The following POLK variants were observed in gnomAD, a reference collection of about 807,000 sequenced individuals.
The protein encoded by POLK is polymerase (DNA directed) kappa.
In POLK, 76 loss-of-function variants were observed where a neutral mutation model predicts 94.0. That is an observed-to-expected ratio of 0.81 (90% CI 0.67 to 0.98). The LOEUF is 0.98. Ranked by LOEUF, POLK falls within the 50% of genes least tolerant of loss-of-function variation. The pLI is 0.00. For synonymous variants in POLK, 349 were observed against 325.4 expected, an observed-to-expected ratio of 1.07 and a Z score of -0.78; for missense variants, 954 against 1,010.1, an observed-to-expected ratio of 0.94 and a Z score of 0.75.
chr5:75,602,627 T>C (rs1773319356), downstream of POLK, among the ~76,000 whole-genome samples: 1 of 152,180 alleles, frequency 6.6e-6, no homozygotes, highest in South Asian at 2.1e-4. Context: ...GCAGAGACAC[T>C]TCAAATTCGT....
intron 1 of POLK, among the ~76,000 whole-genome samples, chr5:75,513,565 C>T (rs1481540102): frequency 6.6e-6 from 1 of 152,110 alleles, no homozygotes; most frequent in Non-Finnish European, 1.5e-5. Context: ...CCCTTTTTAT[C>T]CTGTTTCCTA....
chr5:75,603,686 G>A (rs1309154631), downstream of POLK, among the ~76,000 whole-genome samples: 1 of 152,136 alleles, frequency 6.6e-6, no homozygotes, highest in African/African-American at 2.4e-5. Flanking sequence ...TTGGCATTCA[G>A]GGTTTCCTGA....
At chr5:75,536,480 C>T (rs1769449886) in intron 1 of POLK, among the ~76,000 whole-genome samples, 1 of 152,108 alleles carries the variant, frequency 6.6e-6, no homozygotes, top group Non-Finnish European at 1.5e-5. Context: ...GAATTGCCTG[C>T]TCTGCCATCT....
At chr5:75,517,965 C>G (rs1272742524) in intron 1 of POLK, among the ~76,000 whole-genome samples, 1 of 152,136 alleles carries the variant, frequency 6.6e-6, no homozygotes, top group Non-Finnish European at 1.5e-5. Context: ...GTTGAACTAT[C>G]CTTGCGTCCC....
chr5:75,517,846 A>C, intron 1 of POLK, among the ~76,000 whole-genome samples: 1 of 152,226 alleles, frequency 6.6e-6, no homozygotes, highest in East Asian at 1.9e-4. Context: ...TTTTATCATA[A>C]AGAGATGTTG....
At chr5:75,566,309 G>T in intron 3 of POLK, among the ~76,000 whole-genome samples, 1 of 152,314 alleles carries the variant, frequency 6.6e-6, no homozygotes. Context: ...GGCTCCGTGG[G>T]CGTGGGATCC....
intron 10 of POLK, 45 bp downstream of exon 10, chr5:75,587,103 T>C (rs912537630): frequency 9.3e-7 from 1 of 1,071,842 alleles, no homozygotes; most frequent in Non-Finnish European, 1.4e-6. Flanking sequence ...ATTCATGTTA[T>C]TTTAAACTAA....
At chr5:75,552,498 C>T in exon 3 of POLK, 2 of 1,611,308 alleles carry the variant, frequency 1.2e-6, no homozygotes, top group Non-Finnish European at 8.5e-7. Context: ...GAAATGAGCT[C>T]AAGAAAGAAA....
Position 75,581,464 on chromosome 5 carries a change from T to A in POLK, c.934+16T>A. 6.2e-7 allele frequency: 1 copy of A among 1,606,392 alleles called. No individual in the cohort carries two copies. Among genetic ancestry groups the A allele is most frequent in the South Asian group, 1.1e-5 (1 of 90,706 alleles). ...GCCAGTGCAGGTATTTAAAAGAGTA[T>A]TGATGGCCACTGTAGTTATAATTTT... On this transcript the variant is annotated intron_variant, in intron 7 of 14. Transcript: ENST00000241436.
At chr5:75,587,694 G>A (rs541171474) in intron 10 of POLK, among the ~76,000 whole-genome samples, 1 of 152,242 alleles carries the variant, frequency 6.6e-6, no homozygotes, top group Admixed American at 6.5e-5. Flanking sequence ...GCTGAGGTGG[G>A]CAGATCACTT....
At chr5:75,573,321 C>T (rs1040680769) in intron 4 of POLK, among the ~76,000 whole-genome samples, 4 of 151,640 alleles carry the variant, frequency 2.6e-5, no homozygotes, top group Non-Finnish European at 2.9e-5. Context: ...AACGAGAACA[C>T]GTGGACACAG....
At chr5:75,541,012 A>C (rs1227609054) in intron 1 of POLK, among the ~76,000 whole-genome samples, 2 of 152,152 alleles carry the variant, frequency 1.3e-5, no homozygotes, top group Non-Finnish European at 2.9e-5. Context: ...GGCTCGGCGC[A>C]GTGGCTCATG....
chr5:75,546,298 T>C (rs1038590797), intron 1 of POLK, among the ~76,000 whole-genome samples: 4 of 152,216 alleles, frequency 2.6e-5, no homozygotes, highest in Non-Finnish European at 5.9e-5. Context: ...ATATTTATTA[T>C]TCATTAAGTG....
At chr5:75,599,422 A>G (rs757960163) in exon 15 of POLK, 7 of 152,148 alleles carry the variant, frequency 4.6e-5, no homozygotes, top group Non-Finnish European at 8.8e-5. Flanking sequence ...GAATAGCTTA[A>G]TTAAGAACTC....
intron 1 of POLK, among the ~76,000 whole-genome samples, chr5:75,546,513 T>C (rs545948353): frequency 3.3e-5 from 5 of 152,290 alleles, no homozygotes; most frequent in Middle Eastern, 3.4e-3. Flanking sequence ...AGCTAAAAAT[T>C]CTTAACTGTC....
At chr5:75,590,581 A>G (rs1026185271) in intron 11 of POLK, 141 bp downstream of exon 11, 6 of 596,870 alleles carry the variant, frequency 1.0e-5, no homozygotes, top group African/African-American at 3.7e-5. Context: ...CCTATCCCCA[A>G]CAGTCAGATA....
chr5:75,557,298 T>G (rs1770683506), intron 3 of POLK, among the ~76,000 whole-genome samples: 1 of 152,196 alleles, frequency 6.6e-6, no homozygotes, highest in African/African-American at 2.4e-5. Flanking sequence ...CTACAATATT[T>G]TGTTGGCTAA....
intron 1 of POLK, among the ~76,000 whole-genome samples, chr5:75,521,410 C>T (rs1386366871): frequency 2.6e-5 from 4 of 151,908 alleles, no homozygotes; most frequent in Non-Finnish European, 5.9e-5. Context: ...GTTCAGCAAA[C>T]GTATTTCTCA....
intron 7 of POLK, chr5:75,582,914 A>C (rs1387821517): frequency 1.3e-5 from 2 of 159,780 alleles, no homozygotes; most frequent in African/African-American, 2.5e-5. Context: ...ACGCCATTGC[A>C]CTCCAGCCTG....
Sources: allele counts gnomAD v4.1 joint callset (sites outside exome capture counted in the v4.1 genomes callset), GRCh38; gene constraint gnomAD v4.1.1; transcripts MANE v1.5; gene names NCBI Gene and HGNC (gene_info 2026-07-23, HGNC 2026-07-21).